The following LONP2 variants were observed in gnomAD, a reference collection of about 807,000 sequenced individuals.
The protein encoded by LONP2 is lon protease homolog 2, peroxisomal.
A neutral mutation model predicts 85.6 loss-of-function variants in LONP2; 60 were observed. That is an observed-to-expected ratio of 0.70 (90% CI 0.57 to 0.87). LONP2 has a LOEUF of 0.87. LONP2 is among the 40% of genes least tolerant of loss of function. LONP2 has a pLI of 0.00. For synonymous variants in LONP2, 395 were observed against 389.7 expected (o/e 1.01, Z -0.16); for missense variants, 860 against 1,063.5 (o/e 0.81, Z 2.66).
Position 48,261,514 on chromosome 16 carries a change from A to G in LONP2, c.814A>G (p.Met272Val), listed in dbSNP as rs761298665. ...DEDEDNDDIV[M>V]LEKKIRTSSM... ...AGATGAAGATAATGATGACATTGTC[A>G]TGCTAGAGAAAAAAATACGAACATC... The change falls in exon 5 of 15, where the codon ATG (methionine) becomes GTG (valine). Residue 272 changes from methionine (M) to valine (V), a missense_variant. By Grantham distance (21) the Met-to-Val change is conservative. This residue lies in a region of LONP2 where 743 missense variants were observed against 917.3 expected (regional missense o/e 0.81). Transcript: ENST00000285737. The G allele has an allele frequency of 1.9e-6, 3 of 1,607,706 alleles. No homozygotes were observed. Among genetic ancestry groups the G allele is most frequent in the Admixed American group, 1.7e-5 (1 of 59,400 alleles).
chr16:48,323,758 T>C (rs1055431710), intron 11 of LONP2, among the ~76,000 whole-genome samples: 1 of 152,072 alleles, frequency 6.6e-6, no homozygotes. Context: ...TAGGTAAACT[T>C]GAAAGAAAAT....
At chr16:48,276,169 TTCCTTATATTA>T (rs1234177944) in intron 7 of LONP2, among the ~76,000 whole-genome samples, 1 of 152,230 alleles carries the variant, frequency 6.6e-6, no homozygotes, top group African/African-American at 2.4e-5. Context: ...AATGTGCTAA[TTCCTTATATTA>T]ACAGGACAAT....
intron 7 of LONP2, 104 bp from the exon 8 acceptor site, chr16:48,277,234 G>C: frequency 9.2e-7 from 1 of 1,090,998 alleles, no homozygotes; most frequent in African/African-American, 1.6e-5. Context: ...ATATTATAGT[G>C]ATAGCTAAAT....
chr16:48,275,070 T>C (rs1181762049), intron 7 of LONP2, among the ~76,000 whole-genome samples: 1 of 152,126 alleles, frequency 6.6e-6, no homozygotes. Flanking sequence ...TGAATTCTGC[T>C]CTTGTGCTTT....
chr16:48,334,162 T>C, intron 11 of LONP2, 54 bp from the exon 12 acceptor site: 3 of 1,564,612 alleles, frequency 1.9e-6, no homozygotes, highest in South Asian at 2.3e-5. Flanking sequence ...TGCTAGTGAA[T>C]TTTCCAGCCT....
chr16:48,290,318 C>A (rs1972533740), intron 8 of LONP2, among the ~76,000 whole-genome samples: 1 of 152,162 alleles, frequency 6.6e-6, no homozygotes. Flanking sequence ...ACACAGAACA[C>A]CTCTGACCAA....
intron 2 of LONP2, among the ~76,000 whole-genome samples, chr16:48,255,818 C>T (rs1463192719): frequency 1.3e-5 from 2 of 152,114 alleles, no homozygotes; most frequent in Admixed American, 6.5e-5. Context: ...CTTTGCTTCT[C>T]CTTTGCCTTC....
At chr16:48,286,102 A>T (rs2150988062) in intron 8 of LONP2, among the ~76,000 whole-genome samples, 1 of 150,202 alleles carries the variant, frequency 6.7e-6, no homozygotes, top group South Asian at 2.1e-4. Context: ...ATGTTGGGGC[A>T]TTAGTTTTTT....
chr16:48,311,405 T>A (rs1029251384), intron 11 of LONP2, among the ~76,000 whole-genome samples: 1 of 151,720 alleles, frequency 6.6e-6, no homozygotes, highest in Non-Finnish European at 1.5e-5. Context: ...AAACCTATCT[T>A]AAAGTTCTGA....
At chr16:48,328,468 A>G (rs1959323758) in intron 11 of LONP2, among the ~76,000 whole-genome samples, 1 of 151,856 alleles carries the variant, frequency 6.6e-6, no homozygotes, top group African/African-American at 2.4e-5. Flanking sequence ...TCACGATATC[A>G]GGAGTTCGAG....
At chr16:48,262,963 C>G (rs1446127288) in intron 6 of LONP2, 91 bp downstream of exon 6, 1 of 764,854 alleles carries the variant, frequency 1.3e-6, no homozygotes, top group East Asian at 2.7e-5. Flanking sequence ...CACTGATTGT[C>G]GTACTGTTAA....
At chr16:48,351,337 A>T (rs971670284) in intron 14 of LONP2, among the ~76,000 whole-genome samples, 2 of 152,236 alleles carry the variant, frequency 1.3e-5, no homozygotes, top group African/African-American at 2.4e-5. Flanking sequence ...AGAGGAACTC[A>T]TACCTATCAA....
At chr16:48,350,421 G>A (rs1178756586) in intron 14 of LONP2, among the ~76,000 whole-genome samples, 1 of 151,916 alleles carries the variant, frequency 6.6e-6, no homozygotes, top group Non-Finnish European at 1.5e-5. Context: ...AGCTGTGAGG[G>A]AAAATGTTTT....
At chr16:48,297,361 A>G (rs1285975587) in intron 9 of LONP2, among the ~76,000 whole-genome samples, 3 of 152,018 alleles carry the variant, frequency 2.0e-5, no homozygotes, top group Admixed American at 2.0e-4. Flanking sequence ...CCCAGGCTGG[A>G]ATGCAGTGGC....
rs1417684509 is a variant in LONP2, at chr16:48,347,737, G to A, written c.2146+23G>A. The A allele has an allele frequency of 4.4e-6, 7 of 1,601,408 alleles. 1 individual carries two copies. Among genetic ancestry groups the A allele is most frequent in the Middle Eastern group, 4.1e-4 (2 of 4,852 alleles). On this transcript the variant is annotated intron_variant, in intron 13 of 14. Transcript: ENST00000285737. The stretch of plus-strand genomic sequence containing the variant: ...ATGGTAGGAGCCTGCACCCGGCCAG[G>A]CAGGCGTGACCCAGGAGGCGGTACC...
chr16:48,347,515 G>T lies in LONP2; in HGVS notation c.1947G>T (p.Gln649His). The T allele has an allele frequency of 6.2e-7, 1 of 1,614,212 alleles. No homozygotes were observed. The highest frequency in any genetic ancestry group is 8.5e-7 in the Non-Finnish European group (1 of 1,180,034). ...GPPMYEMEVS[Q>H]RLSQPGVAIG... ...ATTCTTCTTCTTTCAAGGTATCTCAGCGTTTGAGTCAGCCAGGAGTAGCAA... is the reference window on the plus strand; with the variant it reads ...ATTCTTCTTCTTTCAAGGTATCTCATCGTTTGAGTCAGCCAGGAGTAGCAA... Residue 649 changes from glutamine to histidine, a missense_variant, in exon 13 of 15, where the codon CAG (glutamine) becomes CAT (histidine). By Grantham distance (24) the Gln-to-His change is conservative (BLOSUM62 0). This residue lies in a region of LONP2 where 743 missense variants were observed against 917.3 expected (regional missense o/e 0.81). Transcript: ENST00000285737.
intron 2 of LONP2, among the ~76,000 whole-genome samples, chr16:48,254,449 C>T (rs1398252120): frequency 1.3e-5 from 2 of 151,574 alleles, no homozygotes; most frequent in Admixed American, 6.6e-5. Context: ...CTGCAGCCTC[C>T]GCCTCCCGGG....
intron 7 of LONP2, among the ~76,000 whole-genome samples, chr16:48,272,956 G>GAAC (rs1341192371): frequency 6.6e-6 from 1 of 152,168 alleles, no homozygotes; most frequent in Non-Finnish European, 1.5e-5. Flanking sequence ...AGGAGAGAAA[G>GAAC]AACAACCGAC....
At chr16:48,284,179 A>G (rs984388941) in intron 8 of LONP2, among the ~76,000 whole-genome samples, 2 of 152,206 alleles carry the variant, frequency 1.3e-5, no homozygotes, top group African/African-American at 4.8e-5. Flanking sequence ...CTTGAAATGG[A>G]ATCTAGTCCT....
Sources: gnomAD v4.1 joint callset for allele counts (sites outside exome capture counted in the v4.1 genomes callset) on GRCh38, gnomAD v4.1.1 for gene constraint, gnomAD v4.1.1 regional missense constraint, MANE v1.5 for transcripts, NCBI Gene and HGNC (gene_info 2026-07-23, HGNC 2026-07-21) for gene names.